Variants in CABLES1 observed in about 807,000 individuals in gnomAD.
CABLES1 encodes Cdk5 and Abl enzyme substrate 1, also known as CDK5 and ABL1 enzyme substrate 1.
In CABLES1, 36 loss-of-function variants were observed where a neutral mutation model predicts 57.8. That is an observed-to-expected ratio of 0.62 (90% confidence interval 0.48 to 0.82). The LOEUF (loss-of-function observed/expected upper bound fraction) is 0.82, where lower values mean the gene tolerates loss of function less well. CABLES1 is among the 40% of genes least tolerant of loss of function. The pLI is 0.00. For synonymous variants in CABLES1, 374 were observed against 363.0 expected (o/e 1.03, Z -0.35); for missense variants, 767 against 836.6 (o/e 0.92, Z 1.03).
At chr18:23,171,223 C>T (rs929424965) in intron 1 of CABLES1, among the ~76,000 whole-genome samples, 9 of 152,238 alleles carry the variant, frequency 5.9e-5, no homozygotes, top group African/African-American at 2.2e-4. Context: ...ATTCTTGTTC[C>T]CGTAACACCA....
At chr18:23,150,251 C>G (rs1299474315) in intron 1 of CABLES1, among the ~76,000 whole-genome samples, 1 of 141,820 alleles carries the variant, frequency 7.1e-6, no homozygotes, top group Non-Finnish European at 1.5e-5. Flanking sequence ...CTCTGTCACC[C>G]TGGCTGGAGT....
chr18:23,211,634 C>T (rs1598832271), intron 3 of CABLES1, among the ~76,000 whole-genome samples: 1 of 152,234 alleles, frequency 6.6e-6, no homozygotes, highest in Non-Finnish European at 1.5e-5. Flanking sequence ...CCCCAAGGGG[C>T]AGGCTTTTCT....
At chr18:23,253,193 G>A in intron 8 of CABLES1, 127 bp downstream of exon 8, 2 of 633,136 alleles carry the variant, frequency 3.2e-6, no homozygotes, top group Non-Finnish European at 5.8e-6. Flanking sequence ...ACATTCAGCA[G>A]AAAGGACAGC....
chr18:23,257,529 T>A lies in CABLES1; in HGVS notation c.*162T>A. 1.3e-6 allele frequency: 1 copy of A among 754,378 alleles called. No individual in the cohort carries two copies. The highest frequency in any genetic ancestry group is 2.0e-6 in the Non-Finnish European group (1 of 498,750). 46.7% of individuals were successfully genotyped at this position (754,378 alleles called of 1,614,324 possible). Reference sequence around the variant, plus strand: ...GTACTAGAAACTTTCCAAGGAGTCTTGGGTGTGTAGCCAAGAGGAGCCATG... The same window carrying A: ...GTACTAGAAACTTTCCAAGGAGTCTAGGGTGTGTAGCCAAGAGGAGCCATG... On this transcript the variant is annotated 3_prime_UTR_variant, in exon 10 of 10. Transcript: ENST00000256925.
chr18:23,134,974 G>A (rs1568037853), upstream of CABLES1, among the ~76,000 whole-genome samples: 1 of 152,134 alleles, frequency 6.6e-6, no homozygotes, highest in Non-Finnish European at 1.5e-5. Flanking sequence ...GGACTTACCC[G>A]TGTTATTATG....
chr18:23,175,813 A>ACTTC (rs1434330428), intron 1 of CABLES1, among the ~76,000 whole-genome samples: 1 of 152,176 alleles, frequency 6.6e-6, no homozygotes, highest in Non-Finnish European at 1.5e-5. Flanking sequence ...TTCCTGCTAT[A>ACTTC]CTTAAGGATT....
At chr18:23,156,014 C>T (rs927149765) in intron 1 of CABLES1, 28 of 1,570,720 alleles carry the variant, frequency 1.8e-5, no homozygotes, top group Middle Eastern at 1.8e-4. Flanking sequence ...TTGGCTCCCC[C>T]CTTTGGATGC....
At chr18:23,161,754 C>CAAA (rs1184010487) in intron 1 of CABLES1, among the ~76,000 whole-genome samples, 2,012 of 33,092 alleles carry the variant, frequency 0.061, 279 homozygotes, top group African/African-American at 0.14. Flanking sequence ...ACTAAAAATC[C>CAAA]AAAAAAAAAA....
intron 7 of CABLES1, among the ~76,000 whole-genome samples, chr18:23,240,889 A>C (rs2047720098): frequency 6.6e-6 from 1 of 152,192 alleles, no homozygotes; most frequent in Non-Finnish European, 1.5e-5. Flanking sequence ...TCACCCATCA[A>C]ATCCTGCTGC....
chr18:23,160,390 A>G (rs1054033334), intron 1 of CABLES1, among the ~76,000 whole-genome samples: 1 of 152,188 alleles, frequency 6.6e-6, no homozygotes, highest in Non-Finnish European at 1.5e-5. Flanking sequence ...GAATTTAGCA[A>G]TGGAAAACAC....
At chr18:23,205,257 G>A (rs953033315) in intron 3 of CABLES1, among the ~76,000 whole-genome samples, 9 of 130,888 alleles carry the variant, frequency 6.9e-5, no homozygotes, top group African/African-American at 2.7e-4. Context: ...GTGTGATCTT[G>A]GCTCACTGCA....
intron 1 of CABLES1, among the ~76,000 whole-genome samples, chr18:23,185,876 A>AAAG (rs2047198953): frequency 6.6e-6 from 1 of 152,196 alleles, no homozygotes; most frequent in East Asian, 1.9e-4. Context: ...TGAGTGTTTT[A>AAAG]CTTTGGATTT....
chr18:23,145,395 C>T (rs2046885745), intron 1 of CABLES1, among the ~76,000 whole-genome samples: 1 of 152,120 alleles, frequency 6.6e-6, no homozygotes, highest in Non-Finnish European at 1.5e-5. Context: ...GCCTGGCTCA[C>T]ACATCCTTTT....
chr18:23,184,231 G>A (rs1349830354), intron 1 of CABLES1, among the ~76,000 whole-genome samples: 1 of 152,120 alleles, frequency 6.6e-6, no homozygotes, highest in Non-Finnish European at 1.5e-5. Context: ...GGGCATTTGG[G>A]CGTGGATTTT....
chr18:23,189,781 T>A (rs1379283255), intron 2 of CABLES1, among the ~76,000 whole-genome samples: 4 of 152,208 alleles, frequency 2.6e-5, no homozygotes, highest in Admixed American at 2.6e-4. Flanking sequence ...GGCAGGGTGC[T>A]GCTGTAGGAG....
intron 7 of CABLES1, among the ~76,000 whole-genome samples, chr18:23,238,187 G>A (rs1230539636): frequency 3.9e-5 from 6 of 152,162 alleles, no homozygotes; most frequent in South Asian, 4.1e-4. Context: ...TTCTCCCCTC[G>A]GCTTTTGTGT....
In CABLES1 at chr18:23,135,888, C is replaced by A; in HGVS notation, c.126C>A (p.Ala42=). 5.7e-6 allele frequency: 6 copies of A among 1,056,916 alleles called. No individual in the cohort carries two copies. The highest frequency in any genetic ancestry group is 6.8e-6 in the Non-Finnish European group (6 of 880,338). The allele number at this position is 1,056,916 out of a possible 1,614,324, so 65.5% of individuals were successfully genotyped here. The part of the protein sequence containing the change: ...PPQPQPQPAA[A]APAQPPPEPP... ...AGCCCCAGCCTCAGCCCGCGGCCGC[C>A]GCGCCGGCCCAGCCGCCGCCCGAAC... Residue 42 remains alanine, a synonymous_variant, in exon 1 of 10, where the codon GCC becomes GCA. Transcript: ENST00000256925.
intron 7 of CABLES1, among the ~76,000 whole-genome samples, chr18:23,239,352 C>T (rs1464382849): frequency 2.0e-5 from 3 of 152,188 alleles, no homozygotes; most frequent in Non-Finnish European, 4.4e-5. Context: ...TTTTCCTGGT[C>T]GGCTCCTGGA....
chr18:23,148,850 T>C (rs1279978255), intron 1 of CABLES1, among the ~76,000 whole-genome samples: 1 of 152,182 alleles, frequency 6.6e-6, no homozygotes, highest in Non-Finnish European at 1.5e-5. Flanking sequence ...AGCTGGATTT[T>C]TCAAAAGTGG....
Sources: gnomAD v4.1 joint callset for allele counts (sites outside exome capture counted in the v4.1 genomes callset) on GRCh38, gnomAD v4.1.1 for gene constraint, MANE v1.5 for transcripts, NCBI Gene and HGNC (gene_info 2026-07-23, HGNC 2026-07-21) for gene names.